The following MACROD2 variants were observed in gnomAD, a reference collection of about 807,000 sequenced individuals.
MACROD2 encodes mono-ADP ribosylhydrolase 2.
A neutral mutation model predicts 70.4 loss-of-function variants in MACROD2; 36 were observed. The ratio of observed to expected loss-of-function variants is 0.51; its 90% confidence interval spans 0.39 to 0.68. The LOEUF (loss-of-function observed/expected upper bound fraction) is 0.68, where lower values mean the gene tolerates loss of function less well. MACROD2 is among the 30% of genes least tolerant of loss of function. The pLI, the probability that MACROD2 is intolerant of heterozygous loss-of-function variation, is 0.00. For missense variants in MACROD2, 496 were observed against 538.4 expected, an observed-to-expected ratio of 0.92 and a Z score of 0.78; for synonymous variants, 172 against 178.8, an observed-to-expected ratio of 0.96 and a Z score of 0.30.
intron 3 of MACROD2, among the ~76,000 whole-genome samples, chr20:14,162,400 A>T (rs191270262): frequency 6.6e-6 from 1 of 152,314 alleles, no homozygotes; most frequent in Non-Finnish European, 1.5e-5. Context: ...TCTAATATGC[A>T]CTTTAAATCC....
chr20:14,582,033 C>G (rs1981057744), intron 4 of MACROD2, among the ~76,000 whole-genome samples: 1 of 147,480 alleles, frequency 6.8e-6, no homozygotes, highest in African/African-American at 2.5e-5. Context: ...AACTATACAC[C>G]CTTGGATTGG....
chr20:15,785,388 T>C (rs1454846224), intron 8 of MACROD2, among the ~76,000 whole-genome samples: 1 of 152,132 alleles, frequency 6.6e-6, no homozygotes, highest in Non-Finnish European at 1.5e-5. Flanking sequence ...CTTGATTCTC[T>C]TGGAGAATAT....
intron 5 of MACROD2, among the ~76,000 whole-genome samples, chr20:14,731,132 G>T (rs952485635): frequency 6.6e-6 from 1 of 152,024 alleles, no homozygotes; most frequent in African/African-American, 2.4e-5. Context: ...CAAGAAAAAT[G>T]TAAAAATAAT....
At chr20:14,279,216 G>A (rs181244627) in intron 3 of MACROD2, among the ~76,000 whole-genome samples, 5 of 152,240 alleles carry the variant, frequency 3.3e-5, no homozygotes, top group Admixed American at 1.3e-4. Flanking sequence ...AGTTTCTTAC[G>A]ACAGAGAAGG....
intron 7 of MACROD2, among the ~76,000 whole-genome samples, chr20:15,495,290 C>T (rs930014838): frequency 1.3e-5 from 2 of 152,166 alleles, no homozygotes; most frequent in Non-Finnish European, 2.9e-5. Context: ...AAAGAATTGT[C>T]CTGTTGCTGT....
At chr20:14,291,821 AT>A (rs777800219) in intron 3 of MACROD2, among the ~76,000 whole-genome samples, 5 of 152,010 alleles carry the variant, frequency 3.3e-5, no homozygotes, top group Non-Finnish European at 7.4e-5. Flanking sequence ...ATGCTTAAGA[AT>A]TACTTTATTT....
chr20:15,918,378 T>C (rs2147283119), intron 10 of MACROD2, among the ~76,000 whole-genome samples: 2 of 152,350 alleles, frequency 1.3e-5, no homozygotes, highest in South Asian at 4.1e-4. Context: ...TATATGCGTA[T>C]ATTTAAGTAT....
chr20:15,962,583 T>A (rs1284310240), intron 12 of MACROD2, among the ~76,000 whole-genome samples: 1 of 152,192 alleles, frequency 6.6e-6, no homozygotes, highest in African/African-American at 2.4e-5. Context: ...TGCATTATGG[T>A]AGTTTTCCCA....
At chr20:15,097,448 A>G (rs1240186806) in intron 5 of MACROD2, among the ~76,000 whole-genome samples, 1 of 152,150 alleles carries the variant, frequency 6.6e-6, no homozygotes, top group Non-Finnish European at 1.5e-5. Flanking sequence ...TGTTTCTTCT[A>G]TTTTATTGCC....
At chr20:15,224,451 A>G (rs781410565) in intron 5 of MACROD2, among the ~76,000 whole-genome samples, 3 of 152,178 alleles carry the variant, frequency 2.0e-5, no homozygotes, top group Non-Finnish European at 4.4e-5. Context: ...TGATGTTGTC[A>G]TTGTGATGCT....
intron 3 of MACROD2, among the ~76,000 whole-genome samples, chr20:14,307,008 T>C (rs1335104551): frequency 1.1e-5 from 1 of 87,866 alleles, no homozygotes; most frequent in Non-Finnish European, 2.3e-5. Flanking sequence ...GTGGACTAAA[T>C]GTAAACACAC....
At chr20:16,014,444 A>G (rs2066903705) in intron 15 of MACROD2, among the ~76,000 whole-genome samples, 1 of 152,236 alleles carries the variant, frequency 6.6e-6, no homozygotes, top group Admixed American at 6.5e-5. Flanking sequence ...CCAAGATTGG[A>G]AGACCCAAGA....
intron 15 of MACROD2, among the ~76,000 whole-genome samples, chr20:15,999,760 T>C (rs2066683541): frequency 6.6e-6 from 1 of 152,210 alleles, no homozygotes; most frequent in Admixed American, 6.5e-5. Flanking sequence ...TTAGTTAAGG[T>C]CTATTTTGTC....
chr20:14,227,613 C>T (rs1387847966), intron 3 of MACROD2, among the ~76,000 whole-genome samples: 1 of 152,232 alleles, frequency 6.6e-6, no homozygotes, highest in Non-Finnish European at 1.5e-5. Flanking sequence ...ACTCCGGACA[C>T]GCTGCCTTTA....
rs188838687 is a variant in MACROD2 at position 15,010,797 on chromosome 20, G to A, written c.419-219143G>A. Among the ~76,000 whole-genome samples, 43 of 152,292 alleles carry A rather than the reference G, an allele frequency of 2.8e-4. No homozygotes were observed. In the East Asian group the frequency reaches 7.5e-3, roughly 27 times the overall value. Reference sequence around the variant, plus strand: ...GTTTTGTTTTGAAATGAGCGTCAGTGAATCTAGTGCTATATCTGCCAATGT... The same window carrying A: ...GTTTTGTTTTGAAATGAGCGTCAGTAAATCTAGTGCTATATCTGCCAATGT... On this transcript the variant is annotated intron_variant, in intron 5 of 17. Coordinates refer to ENST00000684519, the MANE Select transcript of MACROD2 (RefSeq NM_001351661.2).
At chr20:15,635,767 T>C (rs2049354093) in intron 8 of MACROD2, among the ~76,000 whole-genome samples, 1 of 152,040 alleles carries the variant, frequency 6.6e-6, no homozygotes, top group African/African-American at 2.4e-5. Context: ...AACCCCACAT[T>C]TTAGAAATCC....
intron 2 of MACROD2, among the ~76,000 whole-genome samples, chr20:14,015,255 G>C (rs143100462): frequency 1.5e-3 from 228 of 152,298 alleles, no homozygotes; most frequent in African/African-American, 5.2e-3. Context: ...ACAATCACCA[G>C]TATCCATTTT....
chr20:14,472,595 T>C (rs1189340225), intron 3 of MACROD2, among the ~76,000 whole-genome samples: 1 of 152,178 alleles, frequency 6.6e-6, no homozygotes, highest in Admixed American at 6.5e-5. Context: ...AGAAAAATAA[T>C]TAATTAAAAT....
At chr20:14,991,908 C>T (rs1377431347) in intron 5 of MACROD2, among the ~76,000 whole-genome samples, 3 of 152,146 alleles carry the variant, frequency 2.0e-5, no homozygotes, top group African/African-American at 7.2e-5. Flanking sequence ...AACCATTCAC[C>T]TATCATCCAT....
Sources: gnomAD v4.1 joint callset for allele counts (sites outside exome capture counted in the v4.1 genomes callset) on GRCh38, gnomAD v4.1.1 for gene constraint, MANE v1.5 for transcripts, NCBI Gene and HGNC (gene_info 2026-07-23, HGNC 2026-07-21) for gene names.